Variants in PPFIBP2 observed in about 807,000 individuals in gnomAD.
PPFIBP2 encodes the protein liprin-beta-2.
Under a neutral mutation model 118.3 loss-of-function variants are expected in PPFIBP2, and 118 were observed. The ratio of observed to expected loss-of-function variants is 1.00; its 90% CI spans 0.86 to 1.16. The LOEUF is 1.16. Ranked by LOEUF, PPFIBP2 falls within the 50% of genes most tolerant of loss-of-function variation. The pLI, the probability that PPFIBP2 is intolerant of heterozygous loss-of-function variation, is 0.00. For synonymous variants in PPFIBP2, 414 were observed against 397.4 expected (o/e 1.04, Z -0.50); for missense variants, 1,195 against 1,073.1 (o/e 1.11, Z -1.59).
At chr11:7,600,252 C>T (rs995247590) in intron 5 of PPFIBP2, among the ~76,000 whole-genome samples, 1 of 152,202 alleles carries the variant, frequency 6.6e-6, no homozygotes, top group Non-Finnish European at 1.5e-5. Flanking sequence ...CTCATGTGTT[C>T]GCTGGGCTGG....
At chr11:7,643,071 GC>G (rs1277276186) in intron 17 of PPFIBP2, among the ~76,000 whole-genome samples, 5 of 152,190 alleles carry the variant, frequency 3.3e-5, no homozygotes, top group African/African-American at 1.2e-4. Context: ...TAGACCATTA[GC>G]TTTTAGAGGC....
chr11:7,629,586 G>A, intron 10 of PPFIBP2, 52 bp downstream of exon 10: 5 of 1,573,492 alleles, frequency 3.2e-6, no homozygotes, highest in Non-Finnish European at 4.4e-6. Flanking sequence ...TCCATCAGCT[G>A]TGTTAAAGCC....
intron 14 of PPFIBP2, among the ~76,000 whole-genome samples, chr11:7,637,566 T>C (rs999735201): frequency 1.3e-5 from 2 of 152,226 alleles, no homozygotes; most frequent in East Asian, 1.9e-4. Flanking sequence ...TGCTTCTCTG[T>C]TGTAATTTAA....
At chr11:7,655,718 G>A (rs1185774758), downstream of PPFIBP2, among the ~76,000 whole-genome samples, 1 of 151,948 alleles carries the variant, frequency 6.6e-6, no homozygotes, top group Admixed American at 6.6e-5. Context: ...AGGGCAGTGG[G>A]GAGGCTCATC....
At position 7,625,768 on chromosome 11, in the gene PPFIBP2, C is replaced by A. The variant is rs745479329; in HGVS notation, c.712-9C>A. On this transcript the variant is annotated splice_polypyrimidine_tract_variant and intron_variant, in intron 7 of 23. Transcript: ENST00000299492. ...CTGACCTGGTAGGGATCCTCTGTTG[C>A]TCTTCCAGGCTGAAGTCGCCCAGCT... is the stretch of plus-strand genomic sequence containing the variant. The A allele has an allele frequency of 6.2e-7, 1 of 1,612,896 alleles. No individual in the cohort carries two copies. Among genetic ancestry groups the A allele is most frequent in the South Asian group, 1.1e-5 (1 of 91,032 alleles).
intron 1 of PPFIBP2, among the ~76,000 whole-genome samples, chr11:7,527,012 T>A (rs1850288818): frequency 6.6e-6 from 1 of 151,618 alleles, no homozygotes; most frequent in South Asian, 2.1e-4. Flanking sequence ...GACAGCTGGG[T>A]TCACAGCATC....
intron 1 of PPFIBP2, among the ~76,000 whole-genome samples, chr11:7,516,573 TG>T (rs1283567239): frequency 4.6e-5 from 7 of 152,110 alleles, no homozygotes; most frequent in Non-Finnish European, 8.8e-5. Flanking sequence ...GGCAACGTGC[TG>T]TTTTAACGAG....
downstream of PPFIBP2, among the ~76,000 whole-genome samples, chr11:7,657,390 G>C (rs975543168): frequency 3.3e-5 from 5 of 152,116 alleles, no homozygotes; most frequent in Admixed American, 3.3e-4. Flanking sequence ...CCCGTCATCT[G>C]CAAGGGGTAT....
chr11:7,517,473 G>C (rs1407589485), intron 1 of PPFIBP2, among the ~76,000 whole-genome samples: 2 of 152,116 alleles, frequency 1.3e-5, no homozygotes, highest in African/African-American at 4.8e-5. Flanking sequence ...CCTCGGAGGG[G>C]TCTGGGTTGA....
At chr11:7,621,143 G>A (rs1849304042) in intron 7 of PPFIBP2, 116 bp downstream of exon 7, 2 of 751,292 alleles carry the variant, frequency 2.7e-6, no homozygotes, top group South Asian at 3.3e-5. Context: ...CAACCCTCCA[G>A]TGTGGACACA....
intron 3 of PPFIBP2, among the ~76,000 whole-genome samples, chr11:7,574,232 C>T (rs1856000042): frequency 2.0e-5 from 3 of 152,224 alleles, no homozygotes; most frequent in Admixed American, 6.5e-5. Flanking sequence ...GAGCAAAGTA[C>T]TTCCAGGAAG....
At chr11:7,613,698 G>A (rs1035850563) in intron 6 of PPFIBP2, among the ~76,000 whole-genome samples, 3 of 152,212 alleles carry the variant, frequency 2.0e-5, no homozygotes, top group Admixed American at 6.5e-5. Context: ...TTGCAAAGGC[G>A]TGTTGCTCAG....
At chr11:7,626,928 C>T (rs557715755) in intron 8 of PPFIBP2, among the ~76,000 whole-genome samples, 11 of 152,318 alleles carry the variant, frequency 7.2e-5, no homozygotes, top group African/African-American at 2.4e-4. Flanking sequence ...TCAATGTGCT[C>T]GTCCCTCTCC....
intron 6 of PPFIBP2, among the ~76,000 whole-genome samples, chr11:7,611,347 C>T (rs1311373639): frequency 1.3e-5 from 2 of 152,160 alleles, no homozygotes; most frequent in Non-Finnish European, 2.9e-5. Flanking sequence ...CATCTCCTTC[C>T]TTCATTTAGG....
chr11:7,665,973 TGA>T, the PPFIBP2 span: 6 of 1,475,214 alleles, frequency 4.1e-6, no homozygotes, highest in African/African-American at 1.4e-5. Flanking sequence ...GGGAGCAGTG[TGA>T]GAGGCGCGCC....
chr11:7,627,180 C>T (rs1850131786), intron 8 of PPFIBP2, among the ~76,000 whole-genome samples: 1 of 152,196 alleles, frequency 6.6e-6, no homozygotes, highest in Admixed American at 6.5e-5. Flanking sequence ...AGAGCTGGTC[C>T]TTGGGTCATT....
intron 6 of PPFIBP2, chr11:7,617,374 C>A: frequency 1.1e-6 from 1 of 882,896 alleles, no homozygotes; most frequent in Non-Finnish European, 1.4e-6. Flanking sequence ...TTCTCCTAAC[C>A]AGAACAGAGT....
chr11:7,602,176 G>A (rs1344710484), intron 5 of PPFIBP2, among the ~76,000 whole-genome samples: 1 of 151,902 alleles, frequency 6.6e-6, no homozygotes, highest in African/African-American at 2.4e-5. Flanking sequence ...CACTGGTCTG[G>A]TATTGTCTGA....
intron 2 of PPFIBP2, among the ~76,000 whole-genome samples, 184 bp downstream of exon 2, chr11:7,549,723 C>T (rs185611794): frequency 1.2e-3 from 177 of 150,620 alleles, no homozygotes; most frequent in African/African-American, 4.0e-3. Flanking sequence ...ATACAACTCT[C>T]TGATGTCTGG....
Sources: allele counts gnomAD v4.1 joint callset (sites outside exome capture counted in the v4.1 genomes callset), GRCh38; gene constraint gnomAD v4.1.1; transcripts MANE v1.5; gene names NCBI Gene and HGNC (gene_info 2026-07-23, HGNC 2026-07-21).